NUMB: variants seen among roughly 807,000 people sequenced by gnomAD.
NUMB encodes the protein protein numb homolog.
In NUMB, 29 loss-of-function variants were observed where a neutral mutation model predicts 59.7. The ratio of observed to expected loss-of-function variants is 0.49; its 90% CI spans 0.36 to 0.66. The LOEUF (loss-of-function observed/expected upper bound fraction) is 0.66. NUMB is among the 30% of genes least tolerant of loss of function. The pLI is 0.00. For synonymous variants in NUMB, 288 were observed against 288.2 expected, an observed-to-expected ratio of 1.00 and a Z score of 0.01; for missense variants, 723 against 822.0, an observed-to-expected ratio of 0.88 and a Z score of 1.47.
chr14:73,312,990 C>CT (rs563622527), intron 6 of NUMB, among the ~76,000 whole-genome samples: 8,073 of 141,908 alleles, frequency 0.057, 481 homozygotes, highest in East Asian at 0.35. Flanking sequence ...AGTGGTATGT[C>CT]TTTTTTTTTT....
chr14:73,446,795 T>C (rs1461755968), intron 1 of NUMB, among the ~76,000 whole-genome samples: 2 of 151,704 alleles, frequency 1.3e-5, no homozygotes, highest in African/African-American at 4.8e-5. Context: ...AAAATTAACT[T>C]TGGGAGGCTG....
intron 3 of NUMB, among the ~76,000 whole-genome samples, chr14:73,365,212 G>C (rs1298514165): frequency 6.6e-6 from 1 of 151,930 alleles, no homozygotes; most frequent in Non-Finnish European, 1.5e-5. Context: ...GCTAATTTTT[G>C]TATTTTTTAG....
intron 1 of NUMB, among the ~76,000 whole-genome samples, chr14:73,428,381 GA>G (rs1897677214): frequency 6.6e-6 from 1 of 152,074 alleles, no homozygotes; most frequent in African/African-American, 2.4e-5. Flanking sequence ...TTAAATGTAT[GA>G]CAGGAATGTT....
At chr14:73,282,782 A>C (rs1301456138) in intron 10 of NUMB, among the ~76,000 whole-genome samples, 2 of 152,320 alleles carry the variant, frequency 1.3e-5, no homozygotes, top group South Asian at 4.1e-4. Context: ...TCTTCTTCTT[A>C]TAACACTGTT....
intron 4 of NUMB, among the ~76,000 whole-genome samples, chr14:73,331,406 G>A (rs1252657809): frequency 6.6e-6 from 1 of 152,048 alleles, no homozygotes; most frequent in African/African-American, 2.4e-5. Context: ...TTAGCCGGGC[G>A]TGGTGGTGGT....
chr14:73,439,839 T>G (rs1354329283), intron 1 of NUMB, among the ~76,000 whole-genome samples: 5 of 152,304 alleles, frequency 3.3e-5, no homozygotes, highest in African/African-American at 9.6e-5. Context: ...GACCTGACCC[T>G]GATTTCTATT....
At position 73,283,977 on chromosome 14, in the gene NUMB, G is replaced by A. The variant is rs979663435; in HGVS notation, c.949+104C>T. ...AAGATACAACTATCAACGAACCTCA[G>A]GGAAAGAGGAATGCCTAGTTTAATG... On this transcript the variant is annotated intron_variant, in intron 10 of 12. Transcript: ENST00000555238. 4 of 1,111,624 alleles carry A rather than the reference G, an allele frequency of 3.6e-6. No individual in the cohort carries two copies. In the Admixed American group the frequency reaches 6.4e-5, roughly 18 times the overall value. The allele number at this position is 1,111,624 out of a possible 1,614,324, so 68.9% of individuals were successfully genotyped here.
At chr14:73,277,996 T>C (rs1311233916) in intron 12 of NUMB, among the ~76,000 whole-genome samples, 3 of 124,128 alleles carry the variant, frequency 2.4e-5, no homozygotes, top group African/African-American at 9.3e-5. Context: ...AGGCAGAGGG[T>C]GCAGTGAACC....
chr14:73,308,698 A>G (rs539861882), intron 6 of NUMB, among the ~76,000 whole-genome samples: 1 of 152,350 alleles, frequency 6.6e-6, no homozygotes, highest in South Asian at 2.1e-4. Context: ...CATAAATGAT[A>G]TTTAAAGCCA....
At chr14:73,313,777 G>A (rs1331842146) in intron 6 of NUMB, among the ~76,000 whole-genome samples, 2 of 147,920 alleles carry the variant, frequency 1.4e-5, no homozygotes, top group Non-Finnish European at 3.0e-5. Flanking sequence ...TAAATAAAAT[G>A]TTAGTTTGAA....
intron 1 of NUMB, among the ~76,000 whole-genome samples, chr14:73,440,749 A>C (rs1366792533): frequency 6.7e-6 from 1 of 150,354 alleles, no homozygotes; most frequent in Admixed American, 6.7e-5. Context: ...AATAGTATGA[A>C]ACCGGGAGGT....
At chr14:73,413,956 C>CTT (rs748482351) in intron 1 of NUMB, among the ~76,000 whole-genome samples, 8 of 138,970 alleles carry the variant, frequency 5.8e-5, no homozygotes, top group Non-Finnish European at 7.9e-5. Context: ...AATGTTTTTT[C>CTT]TTTTTTTTTT....
chr14:73,353,620 G>A (rs913315222), intron 4 of NUMB, among the ~76,000 whole-genome samples: 42 of 148,804 alleles, frequency 2.8e-4, no homozygotes, highest in Non-Finnish European at 8.9e-5. Flanking sequence ...GCTGAGGCAG[G>A]AGAATCGTTT....
chr14:73,294,658 T>C (rs75488375), intron 7 of NUMB, among the ~76,000 whole-genome samples: 9,629 of 150,806 alleles, frequency 0.064, 761 homozygotes, highest in African/African-American at 0.18. Context: ...GCTGGAACCA[T>C]AGGCACGCAC....
intron 2 of NUMB, among the ~76,000 whole-genome samples, chr14:73,401,867 C>T (rs1003106945): frequency 6.7e-6 from 1 of 149,514 alleles, no homozygotes; most frequent in South Asian, 2.1e-4. Context: ...CCACATCCGG[C>T]CTAAATTTGT....
At chr14:73,453,980 A>AT (rs554717670) in intron 1 of NUMB, among the ~76,000 whole-genome samples, 5 of 151,614 alleles carry the variant, frequency 3.3e-5, no homozygotes, top group East Asian at 1.9e-4. Flanking sequence ...TAGCAAAAAA[A>AT]TTTTTTTTTA....
chr14:73,449,049 T>G (rs1445830513), intron 1 of NUMB, among the ~76,000 whole-genome samples: 1 of 152,158 alleles, frequency 6.6e-6, no homozygotes, highest in Non-Finnish European at 1.5e-5. Flanking sequence ...TTCTTGTCAT[T>G]ATACCCTAAA....
intron 4 of NUMB, among the ~76,000 whole-genome samples, chr14:73,325,176 T>C (rs548916277): frequency 5.3e-5 from 8 of 149,804 alleles, no homozygotes; most frequent in Non-Finnish European, 1.0e-4. Context: ...CTTTTAAAAC[T>C]CCACTTGCTT....
intron 1 of NUMB, among the ~76,000 whole-genome samples, chr14:73,431,230 C>G (rs1897813802): frequency 6.7e-6 from 1 of 149,728 alleles, no homozygotes; most frequent in Non-Finnish European, 1.5e-5. Flanking sequence ...GATGGGATTA[C>G]AGGCATGAGC....
Sources: gnomAD v4.1 joint callset for allele counts (sites outside exome capture counted in the v4.1 genomes callset) on GRCh38, gnomAD v4.1.1 for gene constraint, MANE v1.5 for transcripts, NCBI Gene and HGNC (gene_info 2026-07-23, HGNC 2026-07-21) for gene names.